Variants in SPEF2 observed in about 807,000 individuals in gnomAD.
The protein encoded by SPEF2 is sperm flagella and cilia-associated protein 2.
In SPEF2, 187 loss-of-function variants were observed where a neutral mutation model predicts 224.6. That is an observed-to-expected ratio of 0.83 (90% CI 0.74 to 0.94). The LOEUF (loss-of-function observed/expected upper bound fraction) is 0.94. Among genes scored for constraint, SPEF2 ranks in the 40% least tolerant of loss-of-function variants. The pLI is 0.00. For missense variants in SPEF2, 2,170 were observed against 2,135.6 expected, an observed-to-expected ratio of 1.02 and a Z score of -0.32; for synonymous variants, 715 against 707.3, an observed-to-expected ratio of 1.01 and a Z score of -0.17.
chr5:35,722,714 CTA>C (rs2149638765), intron 20 of SPEF2, among the ~76,000 whole-genome samples: 1 of 139,886 alleles, frequency 7.1e-6, no homozygotes, highest in Non-Finnish European at 1.5e-5. Flanking sequence ...CAATTCCCAC[CTA>C]TGAGTGAGAA....
At chr5:35,677,919 A>G (rs767111193) in intron 10 of SPEF2, among the ~76,000 whole-genome samples, 1 of 152,198 alleles carries the variant, frequency 6.6e-6, no homozygotes, top group Non-Finnish European at 1.5e-5. Flanking sequence ...TCTGAAAAAT[A>G]AACCTGTCAC....
intron 20 of SPEF2, among the ~76,000 whole-genome samples, chr5:35,724,373 G>A (rs1744270924): frequency 6.6e-6 from 1 of 152,066 alleles, no homozygotes; most frequent in African/African-American, 2.4e-5. Context: ...TTATCAGACT[G>A]AAGTTTAAAA....
intron 4 of SPEF2, 110 bp downstream of exon 4, chr5:35,644,635 C>A (rs1747092638): frequency 3.8e-6 from 3 of 779,524 alleles, no homozygotes; most frequent in Non-Finnish European, 5.7e-6. Flanking sequence ...GTTGCACTTC[C>A]CTGATGCATG....
intron 24 of SPEF2, among the ~76,000 whole-genome samples, chr5:35,758,487 G>A (rs928589202): frequency 2.0e-5 from 3 of 152,116 alleles, no homozygotes; most frequent in East Asian, 1.9e-4. Context: ...ACACTTCAGC[G>A]TATGCATACC....
chr5:35,670,582 C>A (rs1751100964), intron 10 of SPEF2: 1 of 990,168 alleles, frequency 1.0e-6, no homozygotes, highest in South Asian at 4.7e-5. Context: ...AAAAGTATTT[C>A]TTTTGTAATC....
intron 21 of SPEF2, among the ~76,000 whole-genome samples, chr5:35,736,780 G>A (rs776430643): frequency 4.1e-4 from 63 of 152,192 alleles, no homozygotes; most frequent in Non-Finnish European, 8.1e-4. Context: ...TTTTGGTGGA[G>A]AAGAACTCTT....
chr5:35,762,945 C>T (rs1205411535), intron 25 of SPEF2, among the ~76,000 whole-genome samples: 1 of 152,132 alleles, frequency 6.6e-6, no homozygotes, highest in Non-Finnish European at 1.5e-5. Flanking sequence ...GTAGGCTACC[C>T]CCACCCACCA....
chr5:35,751,658 G>A (rs906124316), intron 23 of SPEF2, among the ~76,000 whole-genome samples: 5 of 152,080 alleles, frequency 3.3e-5, no homozygotes, highest in Admixed American at 2.6e-4. Context: ...TTCATTTCAT[G>A]TGCAGGCTCC....
chr5:35,703,934 G>C (rs902796583), intron 16 of SPEF2, among the ~76,000 whole-genome samples: 4 of 151,978 alleles, frequency 2.6e-5, no homozygotes, highest in Admixed American at 2.6e-4. Flanking sequence ...TTTTAATCTA[G>C]TTCAAGGCTT....
At chr5:35,761,584 T>A (rs1476940646) in intron 25 of SPEF2, among the ~76,000 whole-genome samples, 3 of 152,138 alleles carry the variant, frequency 2.0e-5, no homozygotes, top group Non-Finnish European at 4.4e-5. Context: ...GGCCCGTGTG[T>A]ACACAAGAAT....
At chr5:35,781,801 A>G (rs576364468) in intron 30 of SPEF2, 1 of 152,312 alleles carries the variant, frequency 6.6e-6, no homozygotes, top group Non-Finnish European at 1.5e-5. Context: ...CTTTTTAGGT[A>G]TATCTAAAAT....
At chr5:35,669,943 A>T in intron 9 of SPEF2, 116 bp from the exon 10 acceptor site, 1 of 774,904 alleles carries the variant, frequency 1.3e-6, no homozygotes, top group Non-Finnish European at 2.0e-6. Context: ...ATTTTTCAGT[A>T]ATTATTTCTG....
At chr5:35,783,295 T>C (rs1754601849) in intron 30 of SPEF2, among the ~76,000 whole-genome samples, 1 of 152,242 alleles carries the variant, frequency 6.6e-6, no homozygotes. Context: ...GTTCACCTCT[T>C]GTCAAAAGAC....
intron 8 of SPEF2, among the ~76,000 whole-genome samples, chr5:35,665,804 A>G (rs950829416): frequency 1.3e-5 from 2 of 152,190 alleles, no homozygotes; most frequent in African/African-American, 4.8e-5. Context: ...CAAGAATAAC[A>G]AACTCTGATG....
chr5:35,813,363 G>A (rs1466904986), intron 36 of SPEF2, among the ~76,000 whole-genome samples: 1 of 151,978 alleles, frequency 6.6e-6, no homozygotes, highest in East Asian at 1.9e-4. Flanking sequence ...ATGGTGACAT[G>A]TGCCTGTAGT....
Position 35,727,731 on chromosome 5 carries a change from G to A in SPEF2, c.2971G>A (p.Asp991Asn), listed in dbSNP as rs200716875. ...AGTACCAGTAAAGAAATCACCTGCT[G>A]ACTCTACAGATACATCACCTGTTGC... is the stretch of plus-strand genomic sequence containing the variant. ...GKVPVKKSPA[D>N]STDTSPVAIV... Residue 991 changes from aspartate (D) to asparagine (N), a missense_variant, in exon 21 of 37, where the codon GAC becomes AAC. Physicochemically the swap from Asp to Asn is conservative, Grantham distance 23. Transcript: ENST00000356031. 1 of 1,613,892 alleles carries A rather than the reference G, an allele frequency of 6.2e-7. No individual in the cohort carries two copies. Among genetic ancestry groups the A allele is most frequent in the South Asian group, 1.1e-5 (1 of 91,068 alleles).
intron 36 of SPEF2, chr5:35,808,218 T>C: frequency 1.1e-6 from 1 of 870,940 alleles, no homozygotes; most frequent in Non-Finnish European, 1.4e-6. Flanking sequence ...AAAATTAATT[T>C]TATTGCCTGT....
chr5:35,725,020 A>G (rs1228189765), intron 20 of SPEF2, among the ~76,000 whole-genome samples: 1 of 152,158 alleles, frequency 6.6e-6, no homozygotes, highest in Non-Finnish European at 1.5e-5. Flanking sequence ...CATAAATTTT[A>G]GGACAGTAAG....
Position 35,738,340 on chromosome 5 carries a change from G to GT in SPEF2, c.3064-1575dup, listed in dbSNP as rs531809979. Among the ~76,000 whole-genome samples the GT allele has an allele frequency of 5.2e-3, 783 of 151,840 alleles. 6 individuals carry two copies. The highest frequency in any genetic ancestry group is 0.018 in the African/African-American group (742 of 41,410). Reference sequence around the variant, plus strand: ...TAGGTTTTCTTCTAGGGTTTTTATGGTTTTAGGTCTAACATTCAAGTCTTT... The same window carrying GT: ...TAGGTTTTCTTCTAGGGTTTTTATGGTTTTTAGGTCTAACATTCAAGTCTTT... On this transcript the variant is annotated intron_variant, in intron 21 of 36. Coordinates refer to ENST00000356031, the MANE Select transcript of SPEF2 (RefSeq NM_024867.4).
Sources: gnomAD v4.1 joint callset for allele counts (sites outside exome capture counted in the v4.1 genomes callset) on GRCh38, gnomAD v4.1.1 for gene constraint, MANE v1.5 for transcripts, NCBI Gene and HGNC (gene_info 2026-07-23, HGNC 2026-07-21) for gene names.